Variants in XRCC4 observed in about 807,000 individuals in gnomAD.
The protein encoded by XRCC4 is DNA repair protein XRCC4.
XRCC4 carries 28 observed loss-of-function variants against 39.1 expected under a neutral mutation model. The observed-to-expected ratio is 0.72, with a 90% CI of 0.53 to 0.98. XRCC4 has a LOEUF of 0.98. XRCC4 is among the 50% of genes least tolerant of loss of function. The pLI is 0.00. For synonymous variants in XRCC4, 123 were observed against 126.4 expected, an observed-to-expected ratio of 0.97 and a Z score of 0.18; for missense variants, 350 against 376.4, an observed-to-expected ratio of 0.93 and a Z score of 0.58.
intron 6 of XRCC4, among the ~76,000 whole-genome samples, chr5:83,208,430 G>A (rs139024380): frequency 2.3e-4 from 35 of 152,056 alleles, no homozygotes; most frequent in South Asian, 1.0e-3. Context: ...CATATTTACC[G>A]TATTCACTCT....
chr5:83,357,484 A>G (rs1179985493), downstream of XRCC4, among the ~76,000 whole-genome samples: 1 of 152,096 alleles, frequency 6.6e-6, no homozygotes, highest in African/African-American at 2.4e-5. Flanking sequence ...GGATGCGACT[A>G]TCTTCCTCGG....
chr5:83,340,293 C>T (rs1447340606), intron 7 of XRCC4, among the ~76,000 whole-genome samples: 3 of 152,112 alleles, frequency 2.0e-5, no homozygotes, highest in Non-Finnish European at 2.9e-5. Context: ...AAACCACCCA[C>T]CCTCTTCCCC....
chr5:83,294,398 G>T (rs541822987), intron 7 of XRCC4, among the ~76,000 whole-genome samples: 2 of 152,146 alleles, frequency 1.3e-5, no homozygotes, highest in South Asian at 4.1e-4. Context: ...AAGATAGAAT[G>T]ATAAAAATAG....
At chr5:83,130,947 G>GT (rs779646726) in intron 3 of XRCC4, among the ~76,000 whole-genome samples, 6 of 151,982 alleles carry the variant, frequency 3.9e-5, no homozygotes, top group Non-Finnish European at 7.4e-5. Context: ...TTTTTTAAGG[G>GT]TTTTTTGTGT....
intron 7 of XRCC4, among the ~76,000 whole-genome samples, chr5:83,345,558 A>G (rs1756894422): frequency 6.6e-6 from 1 of 152,174 alleles, no homozygotes; most frequent in East Asian, 1.9e-4. Flanking sequence ...GGCGCCATCA[A>G]TCACTATTCA....
chr5:83,141,007 C>T (rs573506075), intron 3 of XRCC4, among the ~76,000 whole-genome samples: 114 of 152,270 alleles, frequency 7.5e-4, no homozygotes, highest in African/African-American at 2.7e-3. Context: ...TTCTTTTGTA[C>T]AAATGAGTAT....
At chr5:83,084,129 G>T (rs1385036323) in intron 1 of XRCC4, among the ~76,000 whole-genome samples, 1 of 152,194 alleles carries the variant, frequency 6.6e-6, no homozygotes, top group Non-Finnish European at 1.5e-5. Flanking sequence ...AGGACACTCA[G>T]CTATGAAGCA....
chr5:83,341,927 T>C (rs1024730169), intron 7 of XRCC4, among the ~76,000 whole-genome samples: 2 of 152,264 alleles, frequency 1.3e-5, no homozygotes, highest in South Asian at 2.1e-4. Flanking sequence ...TCCCCCCAAC[T>C]GGAGAGGCTT....
chr5:83,206,063 C>A (rs1751408981), intron 6 of XRCC4, among the ~76,000 whole-genome samples: 1 of 152,110 alleles, frequency 6.6e-6, no homozygotes. Flanking sequence ...GGGACCTCAT[C>A]ACGTGTAGGG....
intron 7 of XRCC4, among the ~76,000 whole-genome samples, chr5:83,340,243 G>A (rs16900340): frequency 0.21 from 31,343 of 147,090 alleles, 5,127 homozygotes; most frequent in East Asian, 0.71. Context: ...ATAATAATTG[G>A]GCCCTAATAA....
chr5:83,151,853 T>C (rs1375584257), intron 3 of XRCC4, among the ~76,000 whole-genome samples: 1 of 152,202 alleles, frequency 6.6e-6, no homozygotes, highest in African/African-American at 2.4e-5. Flanking sequence ...AAGGTTTAAC[T>C]TTTATTATAC....
At chr5:83,102,546 G>A (rs1004482094) in intron 1 of XRCC4, among the ~76,000 whole-genome samples, 3 of 152,068 alleles carry the variant, frequency 2.0e-5, no homozygotes, top group African/African-American at 7.2e-5. Flanking sequence ...ATCAGAGTTG[G>A]AAACTTTTTT....
At chr5:83,273,314 G>A (rs1239641009) in intron 7 of XRCC4, among the ~76,000 whole-genome samples, 3 of 152,154 alleles carry the variant, frequency 2.0e-5, no homozygotes, top group Admixed American at 6.5e-5. Flanking sequence ...GTAGATTCTG[G>A]ATATTAGACC....
chr5:83,200,119 A>G (rs1034997260), intron 4 of XRCC4, among the ~76,000 whole-genome samples: 1 of 152,236 alleles, frequency 6.6e-6, no homozygotes, highest in Non-Finnish European at 1.5e-5. Context: ...GCATAGTAAC[A>G]TCATAATGCT....
chr5:83,222,698 G>A (rs1421086738), intron 6 of XRCC4, among the ~76,000 whole-genome samples: 4 of 151,934 alleles, frequency 2.6e-5, no homozygotes, highest in Non-Finnish European at 4.4e-5. Context: ...AAATATATTT[G>A]ATACAATTTT....
chr5:83,156,036 A>AT (rs1472971560), intron 3 of XRCC4, among the ~76,000 whole-genome samples: 1 of 151,970 alleles, frequency 6.6e-6, no homozygotes, highest in African/African-American at 2.4e-5. Flanking sequence ...TTTAATTTAA[A>AT]TCTTTACATT....
rs150050552 is a variant in XRCC4, at chr5:83,180,462, C to T, written c.316-15308C>T. Among the ~76,000 whole-genome samples, 132 of 152,198 alleles carry T rather than the reference C, an allele frequency of 8.7e-4. No individual in the cohort carries two copies. In the East Asian group the frequency reaches 0.014, roughly 16 times the overall value. On this transcript the variant is annotated intron_variant, in intron 3 of 7. Transcript: ENST00000396027. The stretch of plus-strand genomic sequence containing the variant: ...TCAGCGGCTCAAATTTTTAAGTGCT[C>T]GCTCAGAAGTAGGCCCCAAACTCTG...
chr5:83,222,490 T>G (rs1393363953), intron 6 of XRCC4, among the ~76,000 whole-genome samples: 2 of 152,186 alleles, frequency 1.3e-5, no homozygotes, highest in East Asian at 3.8e-4. Flanking sequence ...TCTTTATCTT[T>G]TACCTTGTGC....
intron 1 of XRCC4, among the ~76,000 whole-genome samples, chr5:83,088,754 T>A (rs990535738): frequency 6.6e-6 from 1 of 152,238 alleles, no homozygotes; most frequent in African/African-American, 2.4e-5. Flanking sequence ...GTTTGAAGAT[T>A]GTTGATGCAT....
Sources: allele counts gnomAD v4.1 joint callset (sites outside exome capture counted in the v4.1 genomes callset), GRCh38; gene constraint gnomAD v4.1.1; transcripts MANE v1.5; gene names NCBI Gene and HGNC (gene_info 2026-07-23, HGNC 2026-07-21).